The following CDH3 variants were observed in gnomAD, a reference collection of about 807,000 sequenced individuals.
The protein encoded by CDH3 is cadherin-3.
In CDH3, 54 loss-of-function variants were observed where a neutral mutation model predicts 82.0. That is an observed-to-expected ratio of 0.66 (90% CI 0.53 to 0.83). The LOEUF is 0.83. Ranked by LOEUF, CDH3 falls within the 40% of genes least tolerant of loss-of-function variation. The pLI, the probability that CDH3 is intolerant of heterozygous loss-of-function variation, is 0.00. For synonymous variants in CDH3, 446 were observed against 437.9 expected (o/e 1.02, Z -0.23); for missense variants, 1,054 against 1,084.6 (o/e 0.97, Z 0.40).
rs1485344535 is a variant in CDH3, at chr16:68,698,256, T to C, written c.2346T>C (p.Tyr782=). The part of the protein sequence containing the change: ...PPYDTLLVFD[Y]EGSGSDAASL... ...ACGACACCCTCTTGGTGTTCGACTA[T>C]GAGGGCAGCGGCTCCGACGCCGCGT... The change falls in exon 16 of 16, where the codon TAT becomes TAC. Residue 782 remains tyrosine (Y), a synonymous_variant. Transcript: ENST00000264012. 2 of 1,614,234 alleles carry C rather than the reference T, an allele frequency of 1.2e-6. No homozygotes were observed. The highest frequency in any genetic ancestry group is 1.3e-5 in the African/African-American group (1 of 75,062).
intron 2 of CDH3, among the ~76,000 whole-genome samples, chr16:68,659,898 CA>C (rs1396316094): frequency 6.6e-6 from 1 of 151,798 alleles, no homozygotes; most frequent in Non-Finnish European, 1.5e-5. Context: ...TGTTACTCTG[CA>C]GCTCGCTTTT....
At chr16:68,695,666 T>C in intron 14 of CDH3, 111 bp from the exon 15 acceptor site, 1 of 1,274,846 alleles carries the variant, frequency 7.8e-7, no homozygotes, top group Non-Finnish European at 1.1e-6. Context: ...TTGTAAGACC[T>C]CCCCATGAGC....
At position 68,685,201 on chromosome 16, in the gene CDH3, C is replaced by T; in HGVS notation, c.1425-4C>T. Reference sequence around the variant, plus strand: ...ATGTACTCGTCTCAACTTTTCCTCTCCAGCTACCGCATCCTGAGAGACCCA... The same window carrying T: ...ATGTACTCGTCTCAACTTTTCCTCTTCAGCTACCGCATCCTGAGAGACCCA... On this transcript the variant is annotated splice_region_variant and splice_polypyrimidine_tract_variant and intron_variant, in intron 10 of 15. Transcript: ENST00000264012. The T allele has an allele frequency of 6.2e-7, 1 of 1,614,062 alleles. No homozygotes were observed.
At chr16:68,711,266 G>A (rs1962027065) in intron 1 of CDH3, among the ~76,000 whole-genome samples, 1 of 151,982 alleles carries the variant, frequency 6.6e-6, no homozygotes, top group South Asian at 2.1e-4. Flanking sequence ...GCTGGGTTGC[G>A]GCATTGCACT....
intron 2 of CDH3, among the ~76,000 whole-genome samples, chr16:68,659,581 A>G (rs1021135946): frequency 7.5e-5 from 7 of 93,416 alleles, no homozygotes; most frequent in African/African-American, 2.6e-4. Context: ...TGCTGTCTCA[A>G]AAAAAAAAAA....
intron 13 of CDH3, 103 bp downstream of exon 13, chr16:68,692,029 C>G: frequency 1.2e-6 from 1 of 833,644 alleles, no homozygotes; most frequent in Non-Finnish European, 1.9e-6. Context: ...CCAACATTGC[C>G]CGTCCACTCC....
chr16:68,666,522 C>G (rs978641323), intron 2 of CDH3, among the ~76,000 whole-genome samples: 1 of 152,122 alleles, frequency 6.6e-6, no homozygotes, highest in Non-Finnish European at 1.5e-5. Flanking sequence ...CTCTTCCCCC[C>G]ACCCCACTTT....
chr16:68,659,310 T>C (rs1960496081), intron 2 of CDH3, among the ~76,000 whole-genome samples: 1 of 152,130 alleles, frequency 6.6e-6, no homozygotes, highest in South Asian at 2.1e-4. Flanking sequence ...GGCTCACAAC[T>C]GTAATTCTAG....
At chr16:68,705,839 G>A (rs944106083) in intron 1 of CDH3, among the ~76,000 whole-genome samples, 21 of 151,656 alleles carry the variant, frequency 1.4e-4, no homozygotes, top group Non-Finnish European at 2.7e-4. Context: ...GCCAAGGCAG[G>A]TGGATCACGA....
At chr16:68,684,953 T>G in intron 10 of CDH3, 129 bp downstream of exon 10, 6 of 1,286,794 alleles carry the variant, frequency 4.7e-6, no homozygotes, top group South Asian at 1.2e-5. Context: ...ATAGGTTCTC[T>G]TCTTCCTACC....
At chr16:68,648,028 C>CT (rs1960126868) in intron 2 of CDH3, among the ~76,000 whole-genome samples, 1 of 152,182 alleles carries the variant, frequency 6.6e-6, no homozygotes, top group Admixed American at 6.6e-5. Context: ...CTTCAAAGCC[C>CT]TTTTGCAACT....
At chr16:68,720,122 A>G (rs1962144334) in intron 1 of CDH3, among the ~76,000 whole-genome samples, 1 of 152,178 alleles carries the variant, frequency 6.6e-6, no homozygotes, top group South Asian at 2.1e-4. Context: ...ACACCACTGC[A>G]TACCAGCTTG....
chr16:68,671,078 A>C (rs1022240472), intron 2 of CDH3, among the ~76,000 whole-genome samples: 1 of 152,220 alleles, frequency 6.6e-6, no homozygotes, highest in Non-Finnish European at 1.5e-5. Context: ...GTCTCAAAAA[A>C]ACAAAAACAA....
intron 3 of CDH3, 85 bp downstream of exon 3, chr16:68,676,555 G>A (rs913197165): frequency 3.7e-6 from 4 of 1,071,040 alleles, no homozygotes; most frequent in African/African-American, 3.1e-5. Context: ...CTTGGTTGCT[G>A]TGGCCATTGT....
intron 2 of CDH3, among the ~76,000 whole-genome samples, chr16:68,649,197 C>A (rs968439353): frequency 5.9e-5 from 9 of 152,160 alleles, no homozygotes; most frequent in Admixed American, 2.0e-4. Context: ...GGCAGTCAAA[C>A]AGATGCAGTC....
chr16:68,711,393 G>A (rs1421989893), intron 1 of CDH3, among the ~76,000 whole-genome samples: 2 of 152,148 alleles, frequency 1.3e-5, no homozygotes, highest in Non-Finnish European at 2.9e-5. Flanking sequence ...CAGGTGTGAG[G>A]AGGGCAGTGC....
At chr16:68,684,516 T>C in intron 9 of CDH3, 67 bp from the exon 10 acceptor site, 1 of 1,596,538 alleles carries the variant, frequency 6.3e-7, no homozygotes, top group Non-Finnish European at 8.6e-7. Flanking sequence ...TTCTCACATC[T>C]CAACTGTCCT....
intron 2 of CDH3, among the ~76,000 whole-genome samples, chr16:68,647,889 T>C (rs11075692): frequency 6.6e-6 from 1 of 151,868 alleles, no homozygotes; most frequent in African/African-American, 2.4e-5. Context: ...CAGACAAGTT[T>C]CCATATTGCT....
At chr16:68,703,942 G>A (rs1042602881), downstream of CDH3, among the ~76,000 whole-genome samples, 6 of 151,360 alleles carry the variant, frequency 4.0e-5, no homozygotes, top group Admixed American at 6.6e-5. Flanking sequence ...GCGAGACTCC[G>A]TCTCAAATAA....
Sources: allele counts gnomAD v4.1 joint callset (sites outside exome capture counted in the v4.1 genomes callset), GRCh38; gene constraint gnomAD v4.1.1; transcripts MANE v1.5; gene names NCBI Gene and HGNC (gene_info 2026-07-23, HGNC 2026-07-21).